Variants in EHHADH observed in about 807,000 individuals in gnomAD.
EHHADH encodes peroxisomal bifunctional enzyme.
A neutral mutation model predicts 64.4 loss-of-function variants in EHHADH; 48 were observed. That is an observed-to-expected ratio of 0.75 (90% CI 0.59 to 0.95). EHHADH has a LOEUF of 0.95. EHHADH is among the 40% of genes least tolerant of loss of function. EHHADH has a pLI of 0.00. For synonymous variants in EHHADH, 308 were observed against 326.7 expected (o/e 0.94, Z 0.62); for missense variants, 854 against 876.6 (o/e 0.97, Z 0.33).
intron 1 of EHHADH, among the ~76,000 whole-genome samples, chr3:185,248,797 G>A (rs528953431): frequency 7.9e-5 from 12 of 152,116 alleles, no homozygotes; most frequent in South Asian, 4.2e-4. Flanking sequence ...CACTTTGACC[G>A]CTTAAAATTG....
chr3:185,225,328 T>G (rs920169249), intron 4 of EHHADH, among the ~76,000 whole-genome samples: 6 of 152,174 alleles, frequency 3.9e-5, no homozygotes, highest in African/African-American at 1.4e-4. Flanking sequence ...CTACTCACTC[T>G]GGCCATTAGA....
At chr3:185,202,271 G>A (rs1718250733) in intron 6 of EHHADH, among the ~76,000 whole-genome samples, 1 of 151,692 alleles carries the variant, frequency 6.6e-6, no homozygotes, top group Admixed American at 6.6e-5. Context: ...CCTGGGAGGC[G>A]GAGGTTGTGG....
At chr3:185,248,546 A>G (rs201104457) in intron 1 of EHHADH, 29 bp from the exon 2 acceptor site, 7 of 1,498,870 alleles carry the variant, frequency 4.7e-6, no homozygotes, top group Non-Finnish European at 6.5e-6. Flanking sequence ...CATGAAGTAA[A>G]TCAGTCAGAA....
chr3:185,225,656 C>A (rs533363691), intron 4 of EHHADH, among the ~76,000 whole-genome samples: 1 of 152,110 alleles, frequency 6.6e-6, no homozygotes, highest in East Asian at 1.9e-4. Context: ...AGCCAAAGTT[C>A]TTTCTATAAC....
chr3:185,208,157 G>C (rs528907726), intron 5 of EHHADH, among the ~76,000 whole-genome samples: 2 of 152,358 alleles, frequency 1.3e-5, no homozygotes, highest in Admixed American at 1.3e-4. Context: ...CTGCCCTGTT[G>C]TGAGCCACCC....
At position 185,190,924 on chromosome 3, in the gene EHHADH, T is replaced by C. The variant is rs1001507584; in HGVS notation, c.*1302A>G. 6.6e-6 allele frequency: 1 copy of C among 152,218 alleles called. No individual in the cohort carries two copies. Among genetic ancestry groups the C allele is most frequent in the Non-Finnish European group, 1.5e-5 (1 of 68,030 alleles). 9.4% of individuals were successfully genotyped at this position (152,218 alleles called of 1,614,324 possible). Reference sequence around the variant, plus strand: ...CCCCATTTATTTACTAACAACTTTATTGAGATATAATTCACATACCATATA... The same window carrying C: ...CCCCATTTATTTACTAACAACTTTACTGAGATATAATTCACATACCATATA... On this transcript the variant is annotated 3_prime_UTR_variant, in exon 7 of 7. Transcript: ENST00000231887.
At chr3:185,195,481 T>C (rs1469500378) in intron 6 of EHHADH, among the ~76,000 whole-genome samples, 2 of 152,242 alleles carry the variant, frequency 1.3e-5, no homozygotes, top group Non-Finnish European at 2.9e-5. Context: ...AGTTACTTTA[T>C]GATCCAGCAA....
rs533972073 is a variant in EHHADH at position 185,248,501 on chromosome 3, C to T, written c.91G>A (p.Asp31Asn). The T allele has an allele frequency of 6.2e-7, 1 of 1,611,726 alleles. No individual in the cohort carries two copies. The highest frequency in any genetic ancestry group is 1.3e-5 in the African/African-American group (1 of 74,968). Residue 31 changes from aspartate (D) to asparagine (N), a missense_variant, in exon 2 of 7, where the codon GAC becomes AAC. By Grantham distance (23) the Asp-to-Asn change is conservative. Transcript: ENST00000231887. ...VNAISTTLLR[D>N]IKEGLQKAVI... Reference sequence around the variant, plus strand: ...GCTTTCTGTAGTCCTTCTTTTATGTCACGGAGTAAAGTCGTACTAAAAGAA... The same window carrying T: ...GCTTTCTGTAGTCCTTCTTTTATGTTACGGAGTAAAGTCGTACTAAAAGAA...
At chr3:185,207,755 C>T (rs1053879878) in intron 5 of EHHADH, among the ~76,000 whole-genome samples, 1 of 152,144 alleles carries the variant, frequency 6.6e-6, no homozygotes, top group African/African-American at 2.4e-5. Flanking sequence ...AAAATAATTT[C>T]GGATGATTTA....
intron 2 of EHHADH, among the ~76,000 whole-genome samples, chr3:185,244,672 G>A (rs1049663058): frequency 1.3e-5 from 2 of 152,154 alleles, no homozygotes; most frequent in African/African-American, 4.8e-5. Context: ...TTTAGACATG[G>A]AGGAAAGAAA....
In EHHADH at chr3:185,193,204, A is replaced by G. The variant is rs200339151; in HGVS notation, c.1194T>C (p.Ala398=). 192 of 1,611,446 alleles carry G rather than the reference A, an allele frequency of 1.2e-4. No individual in the cohort carries two copies. The highest frequency in any genetic ancestry group is 1.7e-5 in the Non-Finnish European group (20 of 1,179,222). ...ACAAAAATGCTTCTGGTTTGCACAC[A>G]GCTGAGAGTTCAGCAAAGACCTGCT... The part of the protein sequence containing the change: ...LKKQVFAELS[A]VCKPEAFLCT... Residue 398 remains alanine, a synonymous_variant, in exon 7 of 7, where the codon GCT becomes GCC. Coordinates refer to ENST00000231887, the MANE Select transcript of EHHADH (RefSeq NM_001966.4).
chr3:185,220,652 G>A (rs967805262), intron 4 of EHHADH, among the ~76,000 whole-genome samples: 1 of 152,198 alleles, frequency 6.6e-6, no homozygotes, highest in African/African-American at 2.4e-5. Flanking sequence ...ACATGGCTCT[G>A]TATATCCAAT....
chr3:185,253,771 AAAAAAGAAAAG>A, intron 1 of EHHADH, 167 bp downstream of exon 1: 1 of 1,348,982 alleles, frequency 7.4e-7, no homozygotes. Flanking sequence ...TAAAAAAAAA[AAAAAAGAAAAG>A]AAAAAGAAAG....
chr3:185,217,641 C>T (rs531232535), intron 5 of EHHADH, among the ~76,000 whole-genome samples: 3 of 152,104 alleles, frequency 2.0e-5, no homozygotes, highest in African/African-American at 7.2e-5. Flanking sequence ...CGTTCAACCA[C>T]GGGTAAAAGC....
chr3:185,196,442 C>T lies in EHHADH; in HGVS notation c.911-2955G>A, dbSNP rs545133579. Among the ~76,000 whole-genome samples, 5 of 152,124 alleles carry T rather than the reference C, an allele frequency of 3.3e-5. No homozygotes were observed. In the South Asian group the frequency reaches 1.0e-3, roughly 32 times the overall value. On this transcript the variant is annotated intron_variant, in intron 6 of 6. Transcript: ENST00000231887. ...ATCACCTGAGGTCAGGAGTTCAAGA[C>T]CAGCCTGACCAACATGGTGAAGCCC...
At chr3:185,244,037 T>C (rs1346274498) in intron 2 of EHHADH, among the ~76,000 whole-genome samples, 8 of 152,230 alleles carry the variant, frequency 5.3e-5, no homozygotes, top group Non-Finnish European at 7.3e-5. Context: ...TTGTCCATTT[T>C]GGGATGCATA....
rs1560013456 is a variant in EHHADH at position 185,218,257 on chromosome 3, C to T, written c.464-17G>A. Reference sequence around the variant, plus strand: ...TACGTCTTCCTGAAATAAACAACAACAACAATAACAACAAATCAAAGAGCG... The same window carrying T: ...TACGTCTTCCTGAAATAAACAACAATAACAATAACAACAAATCAAAGAGCG... On this transcript the variant is annotated splice_polypyrimidine_tract_variant and intron_variant, in intron 4 of 6. Coordinates refer to ENST00000231887, the MANE Select transcript of EHHADH (RefSeq NM_001966.4). The T allele has an allele frequency of 6.5e-7, 1 of 1,545,590 alleles. No homozygotes were observed.
At chr3:185,250,190 A>T (rs189971132) in intron 1 of EHHADH, among the ~76,000 whole-genome samples, 1 of 152,302 alleles carries the variant, frequency 6.6e-6, no homozygotes, top group East Asian at 1.9e-4. Context: ...AACTAAGATA[A>T]GATATAAAGG....
chr3:185,221,441 CTT>C (rs1409334291), intron 4 of EHHADH, among the ~76,000 whole-genome samples: 2 of 152,060 alleles, frequency 1.3e-5, no homozygotes, highest in African/African-American at 2.4e-5. Flanking sequence ...AACTATCTAA[CTT>C]GATTTATTGA....
Sources: gnomAD v4.1 joint callset for allele counts (sites outside exome capture counted in the v4.1 genomes callset) on GRCh38, gnomAD v4.1.1 for gene constraint, MANE v1.5 for transcripts, NCBI Gene and HGNC (gene_info 2026-07-23, HGNC 2026-07-21) for gene names.